The following CCDC178 variants were observed in gnomAD, a reference collection of about 807,000 sequenced individuals.
The protein encoded by CCDC178 is coiled-coil domain-containing protein 178.
A neutral mutation model predicts 117.4 loss-of-function variants in CCDC178; 126 were observed. That is an observed-to-expected ratio of 1.07 (90% CI 0.93 to 1.24). CCDC178 has a LOEUF of 1.24. CCDC178 is among the 50% of genes most tolerant of loss of function. The probability of loss-of-function intolerance (pLI) is 0.00; values close to 1 mark genes in which losing one functional copy is unlikely to be tolerated. For missense variants in CCDC178, 1,030 were observed against 986.9 expected, an observed-to-expected ratio of 1.04 and a Z score of -0.59; for synonymous variants, 283 against 313.4, an observed-to-expected ratio of 0.90 and a Z score of 1.02.
intron 21 of CCDC178, among the ~76,000 whole-genome samples, chr18:33,083,228 A>C (rs2057324678): frequency 6.6e-6 from 1 of 152,206 alleles, no homozygotes; most frequent in Non-Finnish European, 1.5e-5. Context: ...CATAGCTAGG[A>C]AGCAAAAGGG....
intron 14 of CCDC178, 29 bp from the exon 15 acceptor site, chr18:33,245,457 A>G: frequency 6.9e-7 from 1 of 1,454,336 alleles, no homozygotes; most frequent in Non-Finnish European, 9.2e-7. Context: ...AATTAATATT[A>G]TTGAGTATAT....
At position 33,381,734 on chromosome 18, in the gene CCDC178, G is replaced by A. The variant is rs533900353; in HGVS notation, c.208+7806C>T. Among the ~76,000 whole-genome samples, 5 of 152,072 alleles carry A rather than the reference G, an allele frequency of 3.3e-5. No individual in the cohort carries two copies. The East Asian group carries it at 9.7e-4, about 29-fold the overall frequency. On this transcript the variant is annotated intron_variant, in intron 5 of 22. Coordinates refer to ENST00000383096, the MANE Select transcript of CCDC178 (RefSeq NM_001105528.4). Reference sequence around the variant, plus strand: ...CTTAGTCAAAATATTGAAGATATCTGTCATCCATGGTGTTCATTTGGCACG... The same window carrying A: ...CTTAGTCAAAATATTGAAGATATCTATCATCCATGGTGTTCATTTGGCACG...
intron 9 of CCDC178, among the ~76,000 whole-genome samples, chr18:33,337,476 T>C (rs891206585): frequency 1.3e-5 from 2 of 152,124 alleles, no homozygotes; most frequent in African/African-American, 4.8e-5. Context: ...GGCATCCTTG[T>C]CTTGCTCCAG....
intron 7 of CCDC178, among the ~76,000 whole-genome samples, chr18:33,351,004 G>T (rs916258805): frequency 1.3e-5 from 2 of 151,914 alleles, no homozygotes; most frequent in Non-Finnish European, 2.9e-5. Context: ...TAAACTAAGG[G>T]TTTCTCATAA....
At chr18:33,207,505 G>A (rs1242169467) in intron 20 of CCDC178, among the ~76,000 whole-genome samples, 1 of 149,534 alleles carries the variant, frequency 6.7e-6, no homozygotes, top group Non-Finnish European at 1.5e-5. Flanking sequence ...ATTTTCTCAG[G>A]GAACATTCAT....
intron 20 of CCDC178, among the ~76,000 whole-genome samples, chr18:33,167,102 C>T (rs1050756515): frequency 1.1e-4 from 16 of 152,228 alleles, no homozygotes; most frequent in Admixed American, 5.9e-4. Context: ...CTGCAAAGGA[C>T]GTGATCTCAT....
intron 22 of CCDC178, among the ~76,000 whole-genome samples, chr18:32,969,941 T>G (rs2054890680): frequency 6.6e-6 from 1 of 151,912 alleles, no homozygotes; most frequent in Non-Finnish European, 1.5e-5. Context: ...AGAAAGGAAA[T>G]GATAATAGTA....
chr18:33,224,253 A>T (rs1225992005), intron 17 of CCDC178, among the ~76,000 whole-genome samples: 1 of 152,182 alleles, frequency 6.6e-6, no homozygotes, highest in East Asian at 1.9e-4. Flanking sequence ...AAGACTAATG[A>T]CAGGATTAAT....
chr18:33,287,271 A>T (rs2060109764), intron 12 of CCDC178, among the ~76,000 whole-genome samples: 1 of 152,242 alleles, frequency 6.6e-6, no homozygotes, highest in Non-Finnish European at 1.5e-5. Flanking sequence ...AATGCATGGC[A>T]ATAATGCACA....
At chr18:33,259,692 G>A (rs1378476762) in intron 14 of CCDC178, among the ~76,000 whole-genome samples, 1 of 151,990 alleles carries the variant, frequency 6.6e-6, no homozygotes, top group Non-Finnish European at 1.5e-5. Context: ...GGGGATTCAA[G>A]ACGAGATTTG....
intron 21 of CCDC178, among the ~76,000 whole-genome samples, chr18:33,020,284 C>G (rs1382815025): frequency 6.6e-6 from 1 of 151,974 alleles, no homozygotes; most frequent in Non-Finnish European, 1.5e-5. Context: ...CCAACTCTAT[C>G]ATTCTCCCTG....
chr18:33,069,140 T>G (rs932093929), intron 21 of CCDC178, among the ~76,000 whole-genome samples: 2 of 152,106 alleles, frequency 1.3e-5, no homozygotes, highest in Non-Finnish European at 2.9e-5. Context: ...AATGTAATCC[T>G]TATCAAAATA....
intron 21 of CCDC178, among the ~76,000 whole-genome samples, chr18:33,048,764 AATAG>A (rs1228548532): frequency 6.6e-6 from 1 of 152,176 alleles, no homozygotes; most frequent in Non-Finnish European, 1.5e-5. Context: ...AATGTGCAAA[AATAG>A]ATAGTGAAAA....
chr18:33,079,244 A>G (rs554223882), intron 21 of CCDC178, among the ~76,000 whole-genome samples: 3 of 152,294 alleles, frequency 2.0e-5, no homozygotes, highest in Admixed American at 6.5e-5. Context: ...TTGAAACTGG[A>G]CCCCTTCCTT....
chr18:33,417,384 C>T (rs183470897), intron 2 of CCDC178, among the ~76,000 whole-genome samples: 17 of 152,226 alleles, frequency 1.1e-4, no homozygotes, highest in Non-Finnish European at 1.0e-4. Flanking sequence ...CATGACATAA[C>T]ATAATTACAG....
At chr18:32,989,106 T>C (rs534721223) in intron 21 of CCDC178, among the ~76,000 whole-genome samples, 1 of 152,244 alleles carries the variant, frequency 6.6e-6, no homozygotes, top group East Asian at 1.9e-4. Context: ...ATTTCCCAAA[T>C]TATTCTAGAA....
intron 21 of CCDC178, among the ~76,000 whole-genome samples, chr18:33,074,235 G>A (rs1042190829): frequency 6.6e-6 from 1 of 151,898 alleles, no homozygotes; most frequent in Non-Finnish European, 1.5e-5. Flanking sequence ...ATATATTAAA[G>A]CATGCACATC....
At chr18:32,991,335 G>A (rs2055387939) in intron 21 of CCDC178, among the ~76,000 whole-genome samples, 1 of 152,108 alleles carries the variant, frequency 6.6e-6, no homozygotes, top group Admixed American at 6.5e-5. Context: ...GCACACTAAT[G>A]AAAATAAGGG....
At position 33,061,036 on chromosome 18, in the gene CCDC178, T is replaced by C. The variant is rs2056912749; in HGVS notation, c.2388+31725A>G. The stretch of plus-strand genomic sequence containing the variant: ...ATTATATATCCTAAAATCTAGAAAA[T>C]TTGCACAATTATTTAGCAAGTTTTC... On this transcript the variant is annotated intron_variant, in intron 21 of 22. Coordinates refer to ENST00000383096, the MANE Select transcript of CCDC178 (RefSeq NM_001105528.4). 2.0e-5 allele frequency among the ~76,000 whole-genome samples: 3 copies of C among 152,192 alleles called. 1 individual carries two copies. In the South Asian group the frequency reaches 6.2e-4, roughly 32 times the overall value.
Sources: gnomAD v4.1 joint callset for allele counts (sites outside exome capture counted in the v4.1 genomes callset) on GRCh38, gnomAD v4.1.1 for gene constraint, MANE v1.5 for transcripts, NCBI Gene and HGNC (gene_info 2026-07-23, HGNC 2026-07-21) for gene names.